The following MYO1D variants were observed in gnomAD, a reference collection of about 807,000 sequenced individuals.
The protein encoded by MYO1D is unconventional myosin-Id.
A neutral mutation model predicts 122.0 loss-of-function variants in MYO1D; 83 were observed. The observed-to-expected ratio is 0.68, with a 90% confidence interval of 0.57 to 0.82. The LOEUF (loss-of-function observed/expected upper bound fraction) is 0.82. MYO1D is among the 40% of genes least tolerant of loss of function. The pLI, the probability that MYO1D is intolerant of heterozygous loss-of-function variation, is 0.00. For synonymous variants in MYO1D, 464 were observed against 446.9 expected, an observed-to-expected ratio of 1.04 and a Z score of -0.48; for missense variants, 1,157 against 1,269.5, an observed-to-expected ratio of 0.91 and a Z score of 1.35.
At chr17:32,874,724 AAC>A (rs1281542305) in intron 1 of MYO1D, among the ~76,000 whole-genome samples, 4 of 152,156 alleles carry the variant, frequency 2.6e-5, no homozygotes, top group African/African-American at 9.7e-5. Flanking sequence ...GGAATTCAAG[AAC>A]AGTCTGCTCA....
intron 16 of MYO1D, among the ~76,000 whole-genome samples, chr17:32,687,251 C>T (rs2089028973): frequency 6.8e-6 from 1 of 147,962 alleles, no homozygotes; most frequent in Non-Finnish European, 1.5e-5. Context: ...GGCTGGAGTG[C>T]AGTGGCGCGA....
At chr17:32,799,417 G>A (rs2090443010) in intron 1 of MYO1D, among the ~76,000 whole-genome samples, 1 of 152,032 alleles carries the variant, frequency 6.6e-6, no homozygotes, top group South Asian at 2.1e-4. Context: ...ATCTTTAATT[G>A]TTCTAAAAAA....
intron 21 of MYO1D, among the ~76,000 whole-genome samples, chr17:32,564,560 A>G (rs58141040): frequency 0.01 from 1,564 of 152,200 alleles, 25 homozygotes; most frequent in African/African-American, 0.036. Context: ...TTCGGTATTT[A>G]TTTAGTGTTT....
chr17:32,832,723 T>C (rs553589517), intron 1 of MYO1D, among the ~76,000 whole-genome samples: 4 of 152,318 alleles, frequency 2.6e-5, no homozygotes, highest in African/African-American at 7.2e-5. Flanking sequence ...ATGGCGAATT[T>C]CACCAATTTT....
intron 1 of MYO1D, among the ~76,000 whole-genome samples, chr17:32,782,225 T>C (rs982818059): frequency 4.6e-5 from 7 of 152,236 alleles, no homozygotes; most frequent in African/African-American, 1.7e-4. Flanking sequence ...TTATCAAGTA[T>C]TTAGAGTATT....
chr17:32,784,253 T>C (rs2090269916), intron 1 of MYO1D, among the ~76,000 whole-genome samples: 1 of 152,150 alleles, frequency 6.6e-6, no homozygotes, highest in Non-Finnish European at 1.5e-5. Flanking sequence ...CTAATTACAG[T>C]TCCCAAGAGC....
At chr17:32,806,214 C>T (rs552491390) in intron 1 of MYO1D, among the ~76,000 whole-genome samples, 2 of 152,210 alleles carry the variant, frequency 1.3e-5, no homozygotes, top group Non-Finnish European at 2.9e-5. Context: ...GCCAAGATCA[C>T]GCCACTGCAC....
chr17:32,610,698 C>T (rs1465155473), intron 20 of MYO1D, among the ~76,000 whole-genome samples: 1 of 152,184 alleles, frequency 6.6e-6, no homozygotes, highest in Non-Finnish European at 1.5e-5. Flanking sequence ...AACCCTCTGT[C>T]TTCGAGGGTC....
chr17:32,711,875 G>A, intron 16 of MYO1D, 113 bp downstream of exon 16: 3 of 888,254 alleles, frequency 3.4e-6, no homozygotes, highest in Non-Finnish European at 5.0e-6. Context: ...GATATGCATA[G>A]ACATAAAACA....
At chr17:32,558,182 C>T (rs1381420443) in intron 21 of MYO1D, among the ~76,000 whole-genome samples, 2 of 152,070 alleles carry the variant, frequency 1.3e-5, no homozygotes, top group Non-Finnish European at 2.9e-5. Flanking sequence ...AAGAAACACT[C>T]TGAGAGGCAG....
At chr17:32,552,051 C>A (rs2087020225) in intron 21 of MYO1D, among the ~76,000 whole-genome samples, 1 of 152,200 alleles carries the variant, frequency 6.6e-6, no homozygotes, top group South Asian at 2.1e-4. Flanking sequence ...TCGTACTTTG[C>A]AGTCAAGCTT....
intron 16 of MYO1D, among the ~76,000 whole-genome samples, chr17:32,710,430 A>T (rs1275873071): frequency 7.2e-5 from 11 of 152,200 alleles, no homozygotes. Flanking sequence ...AAAACCATGT[A>T]TGAAGGTGGA....
At chr17:32,770,656 T>C (rs572300807) in intron 6 of MYO1D, among the ~76,000 whole-genome samples, 88 of 152,198 alleles carry the variant, frequency 5.8e-4, no homozygotes, top group Non-Finnish European at 9.6e-4. Context: ...GAAAGCTGAA[T>C]AGGAATGCCT....
chr17:32,561,189 G>A (rs1190493488), intron 21 of MYO1D, among the ~76,000 whole-genome samples: 1 of 152,186 alleles, frequency 6.6e-6, no homozygotes, highest in Admixed American at 6.5e-5. Context: ...GGCATTACAG[G>A]TGTGAGCCAC....
intron 1 of MYO1D, among the ~76,000 whole-genome samples, chr17:32,845,302 C>T (rs1290259381): frequency 6.6e-6 from 1 of 152,152 alleles, no homozygotes; most frequent in African/African-American, 2.4e-5. Flanking sequence ...TCTCCCTATT[C>T]ACTCAATAGC....
chr17:32,754,857 GAT>G (rs1327009651), intron 11 of MYO1D, among the ~76,000 whole-genome samples: 11 of 151,884 alleles, frequency 7.2e-5, no homozygotes. Flanking sequence ...CCATGCAAAT[GAT>G]ATGTCCATAT....
In MYO1D at chr17:32,755,491, C is replaced by A; in HGVS notation, c.1467+1G>T. On this transcript the variant is annotated splice_donor_variant, in intron 11 of 21. Transcript: ENST00000318217. LOFTEE classifies it high-confidence loss of function. ...GAAGAAGGTGTCATTAAACACATTACCTTTCGGCTGGAAAAATGGGCGTGT... is the reference window on the plus strand; with the variant it reads ...GAAGAAGGTGTCATTAAACACATTAACTTTCGGCTGGAAAAATGGGCGTGT... 6.2e-7 allele frequency: 1 copy of A among 1,613,110 alleles called. No individual in the cohort carries two copies. The highest frequency in any genetic ancestry group is 8.5e-7 in the Non-Finnish European group (1 of 1,179,384).
At chr17:32,864,185 T>C (rs896236135) in intron 1 of MYO1D, among the ~76,000 whole-genome samples, 69 of 152,078 alleles carry the variant, frequency 4.5e-4, no homozygotes, top group African/African-American at 1.6e-3. Context: ...AGCTGCTCTG[T>C]TAAAAGCACT....
chr17:32,535,410 T>C (rs1910631410), intron 21 of MYO1D, among the ~76,000 whole-genome samples: 1 of 152,266 alleles, frequency 6.6e-6, no homozygotes, highest in South Asian at 2.1e-4. Flanking sequence ...TAGGCTTCAA[T>C]CTCTTTGAAG....
Sources: allele counts gnomAD v4.1 joint callset (sites outside exome capture counted in the v4.1 genomes callset), GRCh38; gene constraint gnomAD v4.1.1; transcripts MANE v1.5; gene names NCBI Gene and HGNC (gene_info 2026-07-23, HGNC 2026-07-21).